The following GRB14 variants were observed in gnomAD, a reference collection of about 807,000 sequenced individuals.
GRB14 encodes growth factor receptor bound protein 14.
A neutral mutation model predicts 69.1 loss-of-function variants in GRB14; 38 were observed. The observed-to-expected ratio is 0.55, with a 90% CI of 0.42 to 0.72. GRB14 has a LOEUF of 0.72. Among genes scored for constraint, GRB14 ranks in the 30% least tolerant of loss-of-function variants. GRB14 has a pLI of 0.00. For synonymous variants in GRB14, 247 were observed against 241.3 expected (o/e 1.02, Z -0.22); for missense variants, 666 against 666.1 (o/e 1.00, Z 0.00).
In GRB14 at chr2:164,527,176, A is replaced by AATATAT. The variant is rs57531034; in HGVS notation, c.482-47_482-42dup. Reference sequence around the variant, plus strand: ...CAATGAGTATGTTGACAGATAGACAAATATATATATATATATATATATATA... The same window carrying AATATAT: ...CAATGAGTATGTTGACAGATAGACAAATATATATATATATATATATATATATATATA... On this transcript the variant is annotated intron_variant, in intron 3 of 13. Transcript: ENST00000263915. 2.3e-3 allele frequency: 581 copies of AATATAT among 249,784 alleles called. 1 individual carries two copies. Among genetic ancestry groups the AATATAT allele is most frequent in the East Asian group, 4.7e-3 (28 of 5,900 alleles). 15.5% of individuals were successfully genotyped at this position (249,784 alleles called of 1,614,324 possible).
intron 8 of GRB14, among the ~76,000 whole-genome samples, chr2:164,506,012 C>T (rs1687179091): frequency 6.6e-6 from 1 of 152,160 alleles, no homozygotes; most frequent in Non-Finnish European, 1.5e-5. Flanking sequence ...GATGGGTTAA[C>T]AAGGTTGAAG....
chr2:164,601,296 T>A (rs1438691472), intron 2 of GRB14, among the ~76,000 whole-genome samples: 1 of 152,126 alleles, frequency 6.6e-6, no homozygotes, highest in African/African-American at 2.4e-5. Flanking sequence ...TACAAAGGAT[T>A]TTTGATATTT....
chr2:164,510,087 A>G (rs1318291477), intron 6 of GRB14, among the ~76,000 whole-genome samples: 1 of 152,218 alleles, frequency 6.6e-6, no homozygotes, highest in African/African-American at 2.4e-5. Context: ...AGGTAAGCTT[A>G]TTGCCCTGGC....
chr2:164,616,698 A>C (rs933894231), intron 2 of GRB14, among the ~76,000 whole-genome samples: 3 of 152,148 alleles, frequency 2.0e-5, no homozygotes, highest in Admixed American at 2.0e-4. Flanking sequence ...TTTAGTCTGG[A>C]TTCTCTCAAA....
Position 164,518,186 on chromosome 2 carries a change from T to G in GRB14, c.816+3794A>C, listed in dbSNP as rs117983721. 1.4e-3 allele frequency among the ~76,000 whole-genome samples: 212 copies of G among 152,222 alleles called. 7 individuals carry two copies. In the East Asian group the frequency reaches 0.034, roughly 25 times the overall value. The stretch of plus-strand genomic sequence containing the variant: ...TCAAGTACTCTCTCAGAACACAGTG[T>G]AATAAATTGGAAATCAACTCCAAAA... On this transcript the variant is annotated intron_variant, in intron 6 of 13. Coordinates refer to ENST00000263915, the MANE Select transcript of GRB14 (RefSeq NM_004490.3).
At chr2:164,534,949 C>T (rs1399634396) in intron 3 of GRB14, among the ~76,000 whole-genome samples, 1 of 152,078 alleles carries the variant, frequency 6.6e-6, no homozygotes, top group Admixed American at 6.5e-5. Flanking sequence ...TAAAACTTCA[C>T]AGATACAAGT....
At chr2:164,577,327 C>T (rs192495570) in intron 2 of GRB14, among the ~76,000 whole-genome samples, 5 of 152,286 alleles carry the variant, frequency 3.3e-5, no homozygotes, top group Admixed American at 1.3e-4. Context: ...CGGTTTGGCT[C>T]TATGTCCCCA....
At chr2:164,515,749 G>A (rs1280363727) in intron 6 of GRB14, among the ~76,000 whole-genome samples, 3 of 146,962 alleles carry the variant, frequency 2.0e-5, no homozygotes, top group African/African-American at 7.6e-5. Context: ...TTAGAAGATT[G>A]ATTATTAAGC....
At chr2:164,560,570 A>C (rs1356211091) in intron 2 of GRB14, among the ~76,000 whole-genome samples, 1 of 152,148 alleles carries the variant, frequency 6.6e-6, no homozygotes, top group Non-Finnish European at 1.5e-5. Flanking sequence ...TCTACATATT[A>C]AACATTAATA....
Position 164,494,453 on chromosome 2 carries a change from A to C in GRB14, c.1454T>G (p.Ile485Arg). ...FVLSMSHGQK[I>R]KHFQIIPVED... ...TACTGGTATAATTTGAAAGTGCTTT[A>C]TTTTTTGTCCATGACTCATTGACAG... Residue 485 changes from isoleucine to arginine, a missense_variant, in exon 13 of 14, where the codon ATA becomes AGA. By Grantham distance (97) the Ile-to-Arg change is moderately conservative. Coordinates refer to ENST00000263915, the MANE Select transcript of GRB14 (RefSeq NM_004490.3). The C allele has an allele frequency of 6.3e-7, 1 of 1,592,968 alleles. No homozygotes were observed. The highest frequency in any genetic ancestry group is 8.6e-7 in the Non-Finnish European group (1 of 1,161,006).
intron 2 of GRB14, among the ~76,000 whole-genome samples, chr2:164,566,018 A>G (rs971067222): frequency 1.3e-5 from 2 of 152,216 alleles, no homozygotes; most frequent in Middle Eastern, 3.4e-3. Flanking sequence ...CTTTTAAATG[A>G]TTAGGATTCC....
At chr2:164,607,255 C>T (rs566248498) in intron 2 of GRB14, among the ~76,000 whole-genome samples, 2 of 152,288 alleles carry the variant, frequency 1.3e-5, no homozygotes, top group South Asian at 4.1e-4. Flanking sequence ...ACAATGACTT[C>T]CCAGCTCTTT....
intron 2 of GRB14, among the ~76,000 whole-genome samples, chr2:164,608,438 T>C (rs554296537): frequency 6.6e-6 from 1 of 152,112 alleles, no homozygotes; most frequent in East Asian, 1.9e-4. Context: ...AAATTATGAA[T>C]TGTATCTTAG....
At chr2:164,597,435 C>T (rs1475951764) in intron 2 of GRB14, among the ~76,000 whole-genome samples, 1 of 152,046 alleles carries the variant, frequency 6.6e-6, no homozygotes, top group Non-Finnish European at 1.5e-5. Context: ...GTAGCCCCTC[C>T]TTTCAAATGC....
In GRB14 at chr2:164,508,813, T is replaced by C. The variant is rs1438169458; in HGVS notation, c.856A>G (p.Ser286Gly). The change falls in exon 7 of 14, where the codon AGT becomes GGT. Residue 286 changes from serine (S) to glycine (G), a missense_variant. Physicochemically the swap from Ser to Gly is moderately conservative, Grantham distance 56 (BLOSUM62 0). Transcript: ENST00000263915. ...HLQFFSEFGN[S>G]DIYVSLAGKK... is the part of the protein sequence containing the mutation. ...CCTGCCAGTGACACATAAATATCAC[T>C]ATTGCCAAATTCGCTGAAAAACTGC... 4 of 1,585,986 alleles carry C rather than the reference T, an allele frequency of 2.5e-6. No individual in the cohort carries two copies. The highest frequency in any genetic ancestry group is 3.4e-6 in the Non-Finnish European group (4 of 1,171,104).
intron 2 of GRB14, among the ~76,000 whole-genome samples, chr2:164,619,439 T>TTA (rs974130320): frequency 2.0e-4 from 31 of 152,154 alleles, no homozygotes; most frequent in African/African-American, 7.0e-4. Context: ...CCACTGCACT[T>TTA]TATATATATT....
chr2:164,604,582 G>A (rs1011438599), intron 2 of GRB14, among the ~76,000 whole-genome samples: 1 of 151,808 alleles, frequency 6.6e-6, no homozygotes, highest in South Asian at 2.1e-4. Flanking sequence ...AAATAAAATG[G>A]GATTGAGAAC....
chr2:164,522,058 C>T lies in GRB14; in HGVS notation c.738G>A (p.Gln246=), dbSNP rs1687647905. 3 of 1,603,506 alleles carry T rather than the reference C, an allele frequency of 1.9e-6. No homozygotes were observed. Among genetic ancestry groups the T allele is most frequent in the Non-Finnish European group, 2.6e-6 (3 of 1,171,930 alleles). ...EIHGFLHAKE[Q]GKKSWKKIYF... ...AAATTTTTTTCCAAGACTTCTTTCC[C>T]TGTTCTTTCGCATGTAAGAAACCAT... The change falls in exon 6 of 14, where the codon CAG becomes CAA. Residue 246 remains glutamine, a synonymous_variant. Coordinates refer to ENST00000263915, the MANE Select transcript of GRB14 (RefSeq NM_004490.3).
rs747345020 is a variant in GRB14, at chr2:164,494,433, G to A, written c.1474C>T (p.Pro492Ser). 1 of 1,512,548 alleles carries A rather than the reference G, an allele frequency of 6.6e-7. No homozygotes were observed. Among genetic ancestry groups the A allele is most frequent in the Non-Finnish European group, 9.2e-7 (1 of 1,087,846 alleles). 93.7% of individuals were successfully genotyped at this position (1,512,548 alleles called of 1,614,324 possible). A position where few individuals can be genotyped will look rare whatever the true frequency, so the allele number is the denominator to read the frequency against. ...GQKIKHFQII[P>S]VEDDGEMFHT... ...ATGTGAAATCACGAATTACTTACTG[G>A]TATAATTTGAAAGTGCTTTATTTTT... Residue 492 changes from proline to serine, a missense_variant and splice_region_variant, in exon 13 of 14, where the codon CCA (proline) becomes TCA (serine). Pro to Ser is a moderately conservative substitution (Grantham distance 74). Transcript: ENST00000263915.
Sources: gnomAD v4.1 joint callset for allele counts (sites outside exome capture counted in the v4.1 genomes callset) on GRCh38, gnomAD v4.1.1 for gene constraint, MANE v1.5 for transcripts, NCBI Gene and HGNC (gene_info 2026-07-23, HGNC 2026-07-21) for gene names.